TUBB3: variants seen among roughly 807,000 people sequenced by gnomAD.
TUBB3 encodes the protein tubulin beta 3 class III.
A neutral mutation model predicts 37.8 loss-of-function variants in TUBB3; 17 were observed. The ratio of observed to expected loss-of-function variants is 0.45; its 90% CI spans 0.31 to 0.67. The LOEUF is 0.67. TUBB3 is among the 30% of genes least tolerant of loss of function. The pLI, the probability that TUBB3 is intolerant of heterozygous loss-of-function variation, is 0.07. For missense variants in TUBB3, 262 were observed against 657.9 expected (o/e 0.40, Z 6.58); for synonymous variants, 332 against 278.9 (o/e 1.19, Z -1.90).
chr16:89,933,014 G>A (rs1373622075), intron 2 of TUBB3: 4 of 487,002 alleles, frequency 8.2e-6, no homozygotes, highest in Non-Finnish European at 1.1e-5. Context: ...CTTAGTCAGG[G>A]GCTCTTTAGC....
intron 1 of TUBB3, among the ~76,000 whole-genome samples, chr16:89,926,798 A>C (rs7186811): frequency 0.11 from 16,844 of 151,232 alleles, 1,181 homozygotes; most frequent in East Asian, 0.26. Flanking sequence ...GCTCATTGCA[A>C]CCTCCACTTC....
chr16:89,934,694 G>A, intron 3 of TUBB3, 35 bp from the exon 4 acceptor site: 1 of 1,604,376 alleles, frequency 6.2e-7, no homozygotes, highest in Non-Finnish European at 8.5e-7. Flanking sequence ...CAGAGTCCCT[G>A]GCCCCTGTCT....
In TUBB3 at chr16:89,931,884, G is replaced by A. The variant is rs1359874879; in HGVS notation, c.58-687G>A. ...TGGAGGTGGCAGGTAGAGAGAGGAC[G>A]ACCCCTGGGAGCTGAGACGATGCCA... On this transcript the variant is annotated intron_variant, in intron 1 of 3. Coordinates refer to ENST00000315491, the MANE Select transcript of TUBB3 (RefSeq NM_006086.4). 10 of 403,568 alleles carry A rather than the reference G, an allele frequency of 2.5e-5. No individual in the cohort carries two copies. In the East Asian group the frequency reaches 2.9e-4, roughly 12 times the overall value. 25.0% of individuals were successfully genotyped at this position (403,568 alleles called of 1,614,324 possible). A position where few individuals can be genotyped will look rare whatever the true frequency, so the allele number is the denominator to read the frequency against.
In TUBB3 at chr16:89,935,984, C is replaced by T. The variant is rs1488458548; in HGVS notation, c.*180C>T. 31 of 722,064 alleles carry T rather than the reference C, an allele frequency of 4.3e-5. No individual in the cohort carries two copies. In the Admixed American group the frequency reaches 6.1e-4, roughly 14 times the overall value. The allele number at this position is 722,064 out of a possible 1,614,324, so 44.7% of individuals were successfully genotyped here. Reference sequence around the variant, plus strand: ...CCACCTAGGCCACGTGTGAGCTGCTCCTGTCTCTGTCTTATTGCAGCTCCA... The same window carrying T: ...CCACCTAGGCCACGTGTGAGCTGCTTCTGTCTCTGTCTTATTGCAGCTCCA... On this transcript the variant is annotated 3_prime_UTR_variant, in exon 4 of 4. Coordinates refer to ENST00000315491, the MANE Select transcript of TUBB3 (RefSeq NM_006086.4).
At chr16:89,927,852 G>A (rs1228579139) in intron 1 of TUBB3, among the ~76,000 whole-genome samples, 1 of 152,230 alleles carries the variant, frequency 6.6e-6, no homozygotes, top group African/African-American at 2.4e-5. Flanking sequence ...ACTTCCCATA[G>A]ATGTGTTACT....
At chr16:89,927,463 A>G (rs2030127377) in intron 1 of TUBB3, among the ~76,000 whole-genome samples, 1 of 152,180 alleles carries the variant, frequency 6.6e-6, no homozygotes, top group South Asian at 2.1e-4. Flanking sequence ...AAAGCAATTA[A>G]TATATTCTCC....
In TUBB3 at chr16:89,932,551, C is replaced by CG. The variant is rs1555625357; in HGVS notation, c.58-20_58-19insG. ...GGCTATGGGCCGGTGCCGACCCCCC[C>CG]TCTCCCACTTTGTTTGCAGTTCTGG... On this transcript the variant is annotated intron_variant, in intron 1 of 3. Coordinates refer to ENST00000315491, the MANE Select transcript of TUBB3 (RefSeq NM_006086.4). The CG allele has an allele frequency of 1.2e-6, 2 of 1,609,008 alleles. No individual in the cohort carries two copies. Among genetic ancestry groups the CG allele is most frequent in the South Asian group, 2.2e-5 (2 of 90,972 alleles).
Position 89,934,879 on chromosome 16 carries a change from C to T in TUBB3, c.428C>T (p.Thr143Met). 1 of 1,614,078 alleles carries T rather than the reference C, an allele frequency of 6.2e-7. No homozygotes were observed. Among genetic ancestry groups the T allele is most frequent in the African/African-American group, 1.3e-5 (1 of 75,026 alleles). Residue 143 changes from threonine to methionine, a missense_variant, in exon 4 of 4, where the codon ACG becomes ATG. Coordinates refer to ENST00000315491, the MANE Select transcript of TUBB3 (RefSeq NM_006086.4). ...FQLTHSLGGG[T>M]GSGMGTLLIS... ...CTGACCCACTCGCTGGGGGGCGGCA[C>T]GGGCTCCGGCATGGGCACGTTGCTC...
At chr16:89,925,713 G>A (rs1296939563) in intron 1 of TUBB3, among the ~76,000 whole-genome samples, 1 of 152,180 alleles carries the variant, frequency 6.6e-6, no homozygotes, top group African/African-American at 2.4e-5. Context: ...TGGAATCAAT[G>A]GGAAGTTCCT....
chr16:89,922,864 C>T (rs2029929376), upstream of TUBB3, among the ~76,000 whole-genome samples: 1 of 152,268 alleles, frequency 6.6e-6, no homozygotes, highest in South Asian at 2.1e-4. Flanking sequence ...CTTTACCTAC[C>T]TCCCCCACCC....
intron 1 of TUBB3, 30 bp downstream of exon 1, chr16:89,923,488 G>T: frequency 1.4e-6 from 2 of 1,418,374 alleles, no homozygotes. Context: ...CCTGTCCCGG[G>T]CCCCGGGGCG....
At chr16:89,923,549 C>T (rs1318015230) in intron 1 of TUBB3, 91 bp downstream of exon 1, 48 of 1,200,114 alleles carry the variant, frequency 4.0e-5, no homozygotes, top group Non-Finnish European at 4.8e-5. Context: ...CTGCCCCCGC[C>T]CCTGCGAACC....
At chr16:89,931,131 A>G (rs528986184) in intron 1 of TUBB3, among the ~76,000 whole-genome samples, 2 of 152,216 alleles carry the variant, frequency 1.3e-5, no homozygotes, top group South Asian at 2.1e-4. Context: ...CTGGCCTACT[A>G]GAGGCATCTT....
Position 89,935,812 on chromosome 16 carries a change from C to CGCAGCTGGAGTGAGAG in TUBB3, c.*13_*28dup. 6.2e-7 allele frequency: 1 copy of CGCAGCTGGAGTGAGAG among 1,611,360 alleles called. No individual in the cohort carries two copies. The highest frequency in any genetic ancestry group is 8.5e-7 in the Non-Finnish European group (1 of 1,178,662). On this transcript the variant is annotated 3_prime_UTR_variant, in exon 4 of 4. Transcript: ENST00000315491. ...GCCCAGGGCCCCAAGTGAAGCTGCT[C>CGCAGCTGGAGTGAGAG]GCAGCTGGAGTGAGAGGCAGGTGGC...
intron 1 of TUBB3, among the ~76,000 whole-genome samples, chr16:89,929,623 C>T (rs1484661241): frequency 2.6e-5 from 4 of 152,260 alleles, no homozygotes; most frequent in Admixed American, 6.5e-5. Context: ...TCCTCCCAGT[C>T]TGGGGCCCCT....
At chr16:89,922,736 G>A (rs2029925788), upstream of TUBB3, 1 of 152,134 alleles carries the variant, frequency 6.6e-6, no homozygotes, top group Non-Finnish European at 1.5e-5. Flanking sequence ...CGCCCACTGC[G>A]GAAGCCGGCG....
Position 89,933,499 on chromosome 16 carries a change from G to C in TUBB3, c.198G>C (p.Val66=), listed in dbSNP as rs751066850. The change falls in exon 3 of 4, where the codon GTG becomes GTC. Residue 66 remains valine, a synonymous_variant. Transcript: ENST00000315491. ...SHKYVPRAIL[V]DLEPGTMDSV... is the part of the protein sequence containing the mutation. The stretch of plus-strand genomic sequence containing the variant: ...AGTACGTGCCTCGAGCCATTCTGGT[G>C]GACCTGGAACCCGGAACCATGGACA... 7 of 1,614,040 alleles carry C rather than the reference G, an allele frequency of 4.3e-6. No homozygotes were observed. The highest frequency in any genetic ancestry group is 5.9e-6 in the Non-Finnish European group (7 of 1,180,046).
intron 1 of TUBB3, among the ~76,000 whole-genome samples, chr16:89,924,513 A>G (rs552774730): frequency 7.2e-5 from 11 of 152,054 alleles, no homozygotes; most frequent in Middle Eastern, 3.4e-3. Context: ...GACCCAGCTC[A>G]GGGCTGGTGC....
Position 89,934,796 on chromosome 16 carries a change from G to A in TUBB3, c.345G>A (p.Ser115=), listed in dbSNP as rs201439214. Residue 115 remains serine (S), a synonymous_variant, in exon 4 of 4, where the codon TCG becomes TCA. Transcript: ENST00000315491. ...CGGAGGGGGCGGAGCTGGTGGATTCGGTCCTGGATGTGGTGCGGAAGGAGT... is the reference window on the plus strand; with the variant it reads ...CGGAGGGGGCGGAGCTGGTGGATTCAGTCCTGGATGTGGTGCGGAAGGAGT... ...HYTEGAELVD[S]VLDVVRKECE... 3.3e-5 allele frequency: 53 copies of A among 1,614,024 alleles called. No homozygotes were observed. The highest frequency in any genetic ancestry group is 3.3e-4 in the Middle Eastern group (2 of 6,084).
Sources: allele counts gnomAD v4.1 joint callset (sites outside exome capture counted in the v4.1 genomes callset), GRCh38; gene constraint gnomAD v4.1.1; transcripts MANE v1.5; gene names NCBI Gene and HGNC (gene_info 2026-07-23, HGNC 2026-07-21).